RBFOX1: variants seen among roughly 807,000 people sequenced by gnomAD.
RBFOX1 encodes RNA binding fox-1 homolog 1, also known as RNA binding protein fox-1 homolog 1.
Under a neutral mutation model 57.7 loss-of-function variants are expected in RBFOX1, and 8 were observed. That is an observed-to-expected ratio of 0.14 (90% CI 0.08 to 0.25). The LOEUF (loss-of-function observed/expected upper bound fraction) is 0.25. Among genes scored for constraint, RBFOX1 ranks in the 10% least tolerant of loss-of-function variants. The pLI is 1.00. For synonymous variants in RBFOX1, 326 were observed against 222.4 expected (o/e 1.47, Z -4.15); for missense variants, 611 against 548.5 (o/e 1.11, Z -1.14).
At chr16:6,693,443 C>G (rs993647594) in intron 3 of RBFOX1, among the ~76,000 whole-genome samples, 5 of 151,904 alleles carry the variant, frequency 3.3e-5, no homozygotes, top group African/African-American at 1.2e-4. Flanking sequence ...TCCTCCTTCA[C>G]TACCATCACC....
intron 2 of RBFOX1, among the ~76,000 whole-genome samples, chr16:5,489,181 T>C (rs983623356): frequency 2.0e-5 from 3 of 152,222 alleles, no homozygotes; most frequent in Non-Finnish European, 2.9e-5. Context: ...ATGATAGGAA[T>C]TCCTAGGCGC....
intron 8 of RBFOX1, among the ~76,000 whole-genome samples, chr16:7,596,898 TC>T (rs1234418009): frequency 6.6e-6 from 1 of 152,226 alleles, no homozygotes; most frequent in Non-Finnish European, 1.5e-5. Context: ...TCCTGATGGT[TC>T]TTTCCTCCTA....
At chr16:7,347,428 T>C (rs1215296258) in intron 4 of RBFOX1, among the ~76,000 whole-genome samples, 1 of 152,058 alleles carries the variant, frequency 6.6e-6, no homozygotes, top group Non-Finnish European at 1.5e-5. Context: ...TTGTTCATTA[T>C]CAGGAGAACA....
At chr16:5,510,687 T>A (rs938894116) in intron 2 of RBFOX1, among the ~76,000 whole-genome samples, 1 of 152,134 alleles carries the variant, frequency 6.6e-6, no homozygotes, top group Non-Finnish European at 1.5e-5. Context: ...AGCTACTGCA[T>A]TTAAAGCTCT....
At chr16:6,060,260 G>C (rs796989896) in intron 1 of RBFOX1, among the ~76,000 whole-genome samples, 126 of 150,038 alleles carry the variant, frequency 8.4e-4, no homozygotes, top group African/African-American at 3.1e-3. Flanking sequence ...CCTCTTCTTA[G>C]CCACAATTTG....
chr16:7,646,924 C>A (rs1369110928), intron 11 of RBFOX1, among the ~76,000 whole-genome samples: 1 of 151,944 alleles, frequency 6.6e-6, no homozygotes, highest in Non-Finnish European at 1.5e-5. Context: ...GAGTGCAGGG[C>A]TCATTGGAGG....
At chr16:6,837,549 T>C (rs1354624776) in intron 3 of RBFOX1, among the ~76,000 whole-genome samples, 5 of 152,164 alleles carry the variant, frequency 3.3e-5, no homozygotes, top group African/African-American at 1.2e-4. Context: ...AAAAATGGTT[T>C]AGCATGTGAG....
chr16:6,854,940 C>T (rs1001874237), intron 3 of RBFOX1, among the ~76,000 whole-genome samples: 2 of 151,854 alleles, frequency 1.3e-5, no homozygotes, highest in Non-Finnish European at 2.9e-5. Context: ...CAGAGGAGAA[C>T]TTTGATCACC....
At chr16:7,143,724 C>A (rs1010582418) in intron 4 of RBFOX1, among the ~76,000 whole-genome samples, 2 of 152,082 alleles carry the variant, frequency 1.3e-5, no homozygotes, top group Non-Finnish European at 2.9e-5. Flanking sequence ...TTTGATCATA[C>A]ATTCATCCAT....
intron 2 of RBFOX1, among the ~76,000 whole-genome samples, chr16:6,355,964 C>T (rs974690688): frequency 1.3e-5 from 2 of 152,158 alleles, no homozygotes; most frequent in Non-Finnish European, 2.9e-5. Context: ...ACTTAAAGAA[C>T]TCCTAATGGG....
At chr16:7,554,959 A>C (rs1217714131) in intron 5 of RBFOX1, among the ~76,000 whole-genome samples, 1 of 152,230 alleles carries the variant, frequency 6.6e-6, no homozygotes, top group African/African-American at 2.4e-5. Context: ...TAGAACACTA[A>C]GGAAATGAAT....
chr16:5,587,320 C>A (rs1364224287), intron 2 of RBFOX1, among the ~76,000 whole-genome samples: 1 of 152,194 alleles, frequency 6.6e-6, no homozygotes, highest in Non-Finnish European at 1.5e-5. Flanking sequence ...CCAGTAATCA[C>A]ATGAAAAGAT....
At chr16:5,910,388 TC>T (rs1033483292) in intron 4 of RBFOX1, among the ~76,000 whole-genome samples, 88 of 152,318 alleles carry the variant, frequency 5.8e-4, no homozygotes, top group African/African-American at 1.9e-3. Context: ...TGGAAGAATG[TC>T]CCTTCTTCAG....
intron 3 of RBFOX1, among the ~76,000 whole-genome samples, chr16:6,937,542 G>A (rs1484512886): frequency 1.3e-5 from 2 of 152,178 alleles, no homozygotes; most frequent in Non-Finnish European, 1.5e-5. Context: ...CACACCCATA[G>A]TGGTCAAGGC....
intron 2 of RBFOX1, among the ~76,000 whole-genome samples, chr16:6,564,356 C>G (rs2097225824): frequency 6.6e-6 from 1 of 152,122 alleles, no homozygotes; most frequent in South Asian, 2.1e-4. Context: ...GAAGGAAATA[C>G]TGTGTTCGTA....
chr16:6,883,791 G>C (rs1012930298), intron 3 of RBFOX1, among the ~76,000 whole-genome samples: 1 of 151,954 alleles, frequency 6.6e-6, no homozygotes, highest in Non-Finnish European at 1.5e-5. Flanking sequence ...GGTTAGTGAA[G>C]AGGTTTTTTT....
intron 14 of RBFOX1, among the ~76,000 whole-genome samples, chr16:7,686,050 G>T (rs755858560): frequency 6.6e-5 from 10 of 151,938 alleles, no homozygotes; most frequent in African/African-American, 9.7e-5. Flanking sequence ...GATGACCATT[G>T]CTTCTTTGCG....
chr16:7,098,208 C>T (rs930839097), intron 4 of RBFOX1, among the ~76,000 whole-genome samples: 1 of 152,178 alleles, frequency 6.6e-6, no homozygotes, highest in Non-Finnish European at 1.5e-5. Context: ...CTAGCTCTGT[C>T]ATCCAAGCTA....
intron 3 of RBFOX1, among the ~76,000 whole-genome samples, chr16:7,045,683 C>G (rs1489422951): frequency 1.3e-5 from 2 of 151,764 alleles, no homozygotes; most frequent in East Asian, 3.9e-4. Context: ...GAGACATTGT[C>G]TCGCTTTGTT....
Sources: gnomAD v4.1 joint callset for allele counts (sites outside exome capture counted in the v4.1 genomes callset) on GRCh38, gnomAD v4.1.1 for gene constraint, MANE v1.5 for transcripts, NCBI Gene and HGNC (gene_info 2026-07-23, HGNC 2026-07-21) for gene names.